Variants in KRT76 observed in about 807,000 individuals in gnomAD.
KRT76 encodes the protein keratin 76.
Under a neutral mutation model 44.9 loss-of-function variants are expected in KRT76, and 47 were observed. The observed-to-expected ratio is 1.05, with a 90% CI of 0.83 to 1.33. The LOEUF is 1.33. KRT76 is among the 40% of genes most tolerant of loss of function. KRT76 has a pLI of 0.00. For synonymous variants in KRT76, 331 were observed against 294.1 expected (o/e 1.13, Z -1.28); for missense variants, 860 against 775.8 (o/e 1.11, Z -1.29).
intron 1 of KRT76, 114 bp from the exon 2 acceptor site, chr12:52,775,716 CCT>C (rs944699583): frequency 6.4e-6 from 5 of 782,370 alleles, no homozygotes; most frequent in Middle Eastern, 3.8e-4. Context: ...TACAATTTCC[CCT>C]GTTTTTTAAT....
Position 52,771,828 on chromosome 12 carries a change from G to A in KRT76, c.1263+43C>T, listed in dbSNP as rs745616294. 11 of 1,594,274 alleles carry A rather than the reference G, an allele frequency of 6.9e-6. No individual in the cohort carries two copies. In the East Asian group the frequency reaches 1.1e-4, roughly 16 times the overall value. ...AGAGCTTATGCTGCTTCTCTCCGGG[G>A]CCCAGAAGACCTCTGGGATCTCTCC... On this transcript the variant is annotated intron_variant, in intron 6 of 8. Coordinates refer to ENST00000332411, the MANE Select transcript of KRT76 (RefSeq NM_015848.4).
chr12:52,769,491 T>C, intron 8 of KRT76, 58 bp downstream of exon 8: 1 of 1,450,446 alleles, frequency 6.9e-7, no homozygotes, highest in Non-Finnish European at 9.7e-7. Context: ...GTCAGTGAGG[T>C]TGTTTCTAGC....
At chr12:52,776,568 A>G in intron 1 of KRT76, 124 bp downstream of exon 1, 1 of 1,511,852 alleles carries the variant, frequency 6.6e-7, no homozygotes, top group Middle Eastern at 2.4e-4. Flanking sequence ...TGTAGGGACC[A>G]AGACAGCACC....
chr12:52,768,725 G>C lies in KRT76; in HGVS notation c.1905C>G (p.Ser635Arg). The C allele has an allele frequency of 8.2e-6, 13 of 1,594,774 alleles. No individual in the cohort carries two copies. The highest frequency in any genetic ancestry group is 1.1e-5 in the Non-Finnish European group (13 of 1,164,814). Residue 635 changes from serine to arginine, a missense_variant, in exon 9 of 9, where the codon AGC becomes AGG. Ser to Arg is a moderately radical substitution (Grantham distance 110). Coordinates refer to ENST00000332411, the MANE Select transcript of KRT76 (RefSeq NM_015848.4). ...TTGGAACAGTAGATCACTTGGTGGA[G>C]CTATGCTGGCTTGAGCTCGTGGTCT... The part of the protein sequence containing the change: ...FSQTTSSSQH[S>R]STK
Position 52,769,593 on chromosome 12 carries a change from A to G in KRT76, c.1485-10T>C. On this transcript the variant is annotated splice_polypyrimidine_tract_variant and intron_variant, in intron 7 of 8. Transcript: ENST00000332411. ...ACATTCTCCAGACATCCTGAAAAGGAAGAGGAGAGGTGAATTCTTTCTGTT... is the reference window on the plus strand; with the variant it reads ...ACATTCTCCAGACATCCTGAAAAGGGAGAGGAGAGGTGAATTCTTTCTGTT... 1 of 1,613,240 alleles carries G rather than the reference A, an allele frequency of 6.2e-7. No individual in the cohort carries two copies. The highest frequency in any genetic ancestry group is 8.5e-7 in the Non-Finnish European group (1 of 1,179,170).
rs1939248406 is a variant in KRT76 at position 52,775,508 on chromosome 12, G to A, written c.695C>T (p.Pro232Leu). The stretch of plus-strand genomic sequence containing the variant: ...GAAGCTGATGTAGGATTCAAAACAA[G>A]GCTCCAGGCTGCTGGGCCCTGAGCC... ...TTGSGPSSLE[P>L]CFESYISFLC... Residue 232 changes from proline to leucine, a missense_variant, in exon 2 of 9, where the codon CCT becomes CTT. By Grantham distance (98) the Pro-to-Leu change is moderately conservative. Coordinates refer to ENST00000332411, the MANE Select transcript of KRT76 (RefSeq NM_015848.4). 6.2e-7 allele frequency: 1 copy of A among 1,614,186 alleles called. No individual in the cohort carries two copies. The highest frequency in any genetic ancestry group is 8.5e-7 in the Non-Finnish European group (1 of 1,180,030).
At chr12:52,776,276 G>T (rs1406684103) in intron 1 of KRT76, among the ~76,000 whole-genome samples, 1 of 152,170 alleles carries the variant, frequency 6.6e-6, no homozygotes, top group African/African-American at 2.4e-5. Context: ...AGCTGCCAAT[G>T]CACCTCATTT....
Position 52,772,869 on chromosome 12 carries a change from C to T in KRT76, c.886G>A (p.Ala296Thr). The T allele has an allele frequency of 1.2e-6, 2 of 1,613,840 alleles. No homozygotes were observed. Among genetic ancestry groups the T allele is most frequent in the East Asian group, 2.2e-5 (1 of 44,874 alleles). Reference protein sequence around the residue: ...EFVGLKKDVDAAFMNKVELQA... With the variant: ...EFVGLKKDVDTAFMNKVELQA... Reference sequence around the variant, plus strand: ...AGCTCCACCTTGTTCATGAAAGCCGCATCCACATCCTGCAGAGGAGGTCAG... The same window carrying T: ...AGCTCCACCTTGTTCATGAAAGCCGTATCCACATCCTGCAGAGGAGGTCAG... The change falls in exon 4 of 9, where the codon GCG becomes ACG. Residue 296 changes from alanine (A) to threonine (T), a missense_variant. Coordinates refer to ENST00000332411, the MANE Select transcript of KRT76 (RefSeq NM_015848.4).
In KRT76 at chr12:52,771,930, T is replaced by A; in HGVS notation, c.1204A>T (p.Met402Leu). The A allele has an allele frequency of 1.9e-6, 3 of 1,614,190 alleles. No homozygotes were observed. Among genetic ancestry groups the A allele is most frequent in the East Asian group, 2.2e-5 (1 of 44,884 alleles). Residue 402 changes from methionine (M) to leucine (L), a missense_variant, in exon 6 of 9, where the codon ATG becomes TTG. Met to Leu is a conservative substitution (Grantham distance 15). Transcript: ENST00000332411. ...DDLRNTKSEIMELNRMIQRLR... is the reference protein window; with the variant it reads ...DDLRNTKSEILELNRMIQRLR... Reference sequence around the variant, plus strand: ...CTCTGGATCATCCTGTTGAGCTCCATGATCTCACTCTTGGTGTTCCTCAGG... The same window carrying A: ...CTCTGGATCATCCTGTTGAGCTCCAAGATCTCACTCTTGGTGTTCCTCAGG...
intron 7 of KRT76, among the ~76,000 whole-genome samples, chr12:52,770,005 C>T (rs1178647779): frequency 6.6e-6 from 1 of 152,148 alleles, no homozygotes; most frequent in African/African-American, 2.4e-5. Context: ...GTGGTGGTGA[C>T]ATGATTGGGG....
chr12:52,776,588 G>T, intron 1 of KRT76, 104 bp downstream of exon 1: 1 of 1,584,296 alleles, frequency 6.3e-7, no homozygotes, highest in South Asian at 1.1e-5. Flanking sequence ...CAGGACAAGA[G>T]CCAAGCGCCC....
chr12:52,769,014 C>CTG lies in KRT76; in HGVS notation c.1615_1616insCA (p.Gly539AlafsTer56), dbSNP rs764645911. On this transcript the variant is annotated frameshift_variant, in exon 9 of 9. Coordinates refer to ENST00000332411, the MANE Select transcript of KRT76 (RefSeq NM_015848.4). LOFTEE classifies it low-confidence loss of function (END_TRUNC). ...ACTGCTGCTGCTGCTGCTGCTGCCG[C>CTG]CTTTGTAGCCACCACTGCCACTGCC... 1.2e-6 allele frequency: 1 copy of CTG among 868,146 alleles called. No homozygotes were observed. Among genetic ancestry groups the CTG allele is most frequent in the African/African-American group, 1.7e-5 (1 of 60,050 alleles). 53.8% of individuals were successfully genotyped at this position (868,146 alleles called of 1,614,324 possible).
At chr12:52,775,198 C>A (rs1939241520) in intron 2 of KRT76, among the ~76,000 whole-genome samples, 190 bp downstream of exon 2, 1 of 152,222 alleles carries the variant, frequency 6.6e-6, no homozygotes. Context: ...AGCCTGAAAT[C>A]TGTGTCATAG....
chr12:52,769,590 A>G lies in KRT76; in HGVS notation c.1485-7T>C. On this transcript the variant is annotated splice_region_variant and splice_polypyrimidine_tract_variant and intron_variant, in intron 7 of 8. Coordinates refer to ENST00000332411, the MANE Select transcript of KRT76 (RefSeq NM_015848.4). ...CTGACATTCTCCAGACATCCTGAAA[A>G]GGAAGAGGAGAGGTGAATTCTTTCT... The G allele has an allele frequency of 6.2e-7, 1 of 1,613,290 alleles. No homozygotes were observed. The highest frequency in any genetic ancestry group is 1.1e-5 in the South Asian group (1 of 91,054).
intron 2 of KRT76, among the ~76,000 whole-genome samples, chr12:52,774,958 C>T (rs936646193): frequency 3.3e-5 from 5 of 152,122 alleles, no homozygotes; most frequent in African/African-American, 7.2e-5. Context: ...CAGCCCTGGA[C>T]CTCTGCCTAG....
At chr12:52,776,083 A>G (rs755235100) in intron 1 of KRT76, among the ~76,000 whole-genome samples, 26 of 151,522 alleles carry the variant, frequency 1.7e-4, no homozygotes, top group Non-Finnish European at 3.2e-4. Flanking sequence ...ATGAGGTCTA[A>G]CATTTCTTTA....
At chr12:52,769,654 T>TC in intron 7 of KRT76, 71 bp from the exon 8 acceptor site, 1 of 1,400,300 alleles carries the variant, frequency 7.1e-7, no homozygotes, top group Non-Finnish European at 1.0e-6. Context: ...AGTTCACAAC[T>TC]TTGGGAGCCA....
At position 52,768,981 on chromosome 12, in the gene KRT76, C is replaced by T. The variant is rs746749193; in HGVS notation, c.1649G>A (p.Gly550Glu). ...GCCACTGCCGCTGCCGCCACTGACT[C>T]CATAGCCACTGCTGCTGCTGCTGCT... ...GSSSSSSSGY[G>E]VSGGSGSGYG... The change falls in exon 9 of 9, where the codon GGA (glycine) becomes GAA (glutamate). Residue 550 changes from glycine to glutamate, a missense_variant. Coordinates refer to ENST00000332411, the MANE Select transcript of KRT76 (RefSeq NM_015848.4). 1 of 1,104,450 alleles carries T rather than the reference C, an allele frequency of 9.1e-7. No homozygotes were observed. Among genetic ancestry groups the T allele is most frequent in the Non-Finnish European group, 1.4e-6 (1 of 735,038 alleles). The allele number at this position is 1,104,450 out of a possible 1,614,324, so 68.4% of individuals were successfully genotyped here.
chr12:52,769,745 C>T (rs1266710081), intron 7 of KRT76, among the ~76,000 whole-genome samples, 162 bp from the exon 8 acceptor site: 1 of 152,196 alleles, frequency 6.6e-6, no homozygotes, highest in African/African-American at 2.4e-5. Flanking sequence ...GACCATATCT[C>T]CCCAGAAAAG....
Sources: allele counts gnomAD v4.1 joint callset (sites outside exome capture counted in the v4.1 genomes callset), GRCh38; gene constraint gnomAD v4.1.1; transcripts MANE v1.5; gene names NCBI Gene and HGNC (gene_info 2026-07-23, HGNC 2026-07-21).